TOX3: variants seen among roughly 807,000 people sequenced by gnomAD.
TOX3 encodes the protein CAG trinucleotide repeat-containing gene F9 protein.
In TOX3, 22 loss-of-function variants were observed where a neutral mutation model predicts 64.3. That is an observed-to-expected ratio of 0.34 (90% CI 0.24 to 0.49). The LOEUF (loss-of-function observed/expected upper bound fraction) is 0.49. Ranked by LOEUF, TOX3 falls within the 20% of genes least tolerant of loss-of-function variation. TOX3 has a pLI of 0.99. For synonymous variants in TOX3, 291 were observed against 273.6 expected (o/e 1.06, Z -0.63); for missense variants, 661 against 714.4 (o/e 0.93, Z 0.85).
At chr16:52,481,367 G>A (rs1410897243) in intron 1 of TOX3, among the ~76,000 whole-genome samples, 4 of 152,146 alleles carry the variant, frequency 2.6e-5, no homozygotes, top group East Asian at 1.9e-4. Context: ...ATAGTTTAAC[G>A]TGTTCTTTTA....
At chr16:52,536,474 C>T (rs997564108) in intron 1 of TOX3, among the ~76,000 whole-genome samples, 39 of 149,464 alleles carry the variant, frequency 2.6e-4, no homozygotes, top group Non-Finnish European at 8.9e-5. Flanking sequence ...ACACATAAAG[C>T]GAGGGTAGAG....
At chr16:52,535,385 G>A (rs757187358) in intron 1 of TOX3, among the ~76,000 whole-genome samples, 2 of 152,132 alleles carry the variant, frequency 1.3e-5, no homozygotes, top group Non-Finnish European at 2.9e-5. Flanking sequence ...GGCAGCTTCT[G>A]GAAACCTCCG....
In TOX3 at chr16:52,546,910, G is replaced by A; in HGVS notation, c.-187C>T. 1.8e-6 allele frequency: 2 copies of A among 1,096,186 alleles called. No homozygotes were observed. The highest frequency in any genetic ancestry group is 2.2e-6 in the Non-Finnish European group (2 of 902,138). The allele number at this position is 1,096,186 out of a possible 1,614,324, so 67.9% of individuals were successfully genotyped here. A position where few individuals can be genotyped will look rare whatever the true frequency, so the allele number is the denominator to read the frequency against. ...CCGCGGCCGCCGCACACAAAGGCGCGGCCACGCGAGCCGCGGGAGAGCGGG... is the reference window on the plus strand; with the variant it reads ...CCGCGGCCGCCGCACACAAAGGCGCAGCCACGCGAGCCGCGGGAGAGCGGG... On this transcript the variant is annotated 5_prime_UTR_variant, in exon 1 of 7. Transcript: ENST00000219746.
In TOX3 at chr16:52,445,988, T is replaced by C. The variant is rs774692048; in HGVS notation, c.906+6A>G. The C allele has an allele frequency of 1.9e-6, 3 of 1,611,958 alleles. No individual in the cohort carries two copies. Among genetic ancestry groups the C allele is most frequent in the East Asian group, 4.5e-5 (2 of 44,818 alleles). ...TTGATGGAGCCTTGATGGGTCTTTGTCTCACCTGCTTTTGTTCTTCTCCAA... is the reference window on the plus strand; with the variant it reads ...TTGATGGAGCCTTGATGGGTCTTTGCCTCACCTGCTTTTGTTCTTCTCCAA... On this transcript the variant is annotated splice_donor_region_variant and intron_variant, in intron 5 of 6. Transcript: ENST00000219746.
intron 1 of TOX3, among the ~76,000 whole-genome samples, chr16:52,486,290 C>T (rs1961530322): frequency 6.6e-6 from 1 of 152,062 alleles, no homozygotes; most frequent in South Asian, 2.1e-4. Context: ...GGAAGGGAAG[C>T]CTAGCAAGGG....
rs370749318 is a variant in TOX3 at position 52,459,916 on chromosome 16, A to C, written c.408+4018T>G. 7.9e-5 allele frequency among the ~76,000 whole-genome samples: 12 copies of C among 152,304 alleles called. No individual in the cohort carries two copies. The East Asian group carries it at 2.3e-3, about 29-fold the overall frequency. On this transcript the variant is annotated intron_variant, in intron 3 of 6. Transcript: ENST00000219746. ...AGCCATGCCAAGTATAATAATAAAA[A>C]AAACTTCTAAAATAAGCCTGGTAAT... is the stretch of plus-strand genomic sequence containing the variant.
At chr16:52,478,746 C>A (rs140142944) in intron 1 of TOX3, among the ~76,000 whole-genome samples, 39 of 152,234 alleles carry the variant, frequency 2.6e-4, no homozygotes, top group Admixed American at 9.2e-4. Flanking sequence ...CTTCATGTTA[C>A]CTCTCTGAAC....
At chr16:52,524,520 T>C (rs879447352) in intron 1 of TOX3, among the ~76,000 whole-genome samples, 8 of 152,194 alleles carry the variant, frequency 5.3e-5, no homozygotes, top group African/African-American at 9.6e-5. Context: ...TTAATGAGCA[T>C]TGAAAAGATT....
chr16:52,472,171 C>T (rs778046995), intron 1 of TOX3, among the ~76,000 whole-genome samples: 1 of 152,188 alleles, frequency 6.6e-6, no homozygotes, highest in Non-Finnish European at 1.5e-5. Flanking sequence ...AGAAGGCCCA[C>T]AGTTCCTTCA....
intron 1 of TOX3, among the ~76,000 whole-genome samples, chr16:52,472,564 T>G (rs1451700189): frequency 6.6e-6 from 1 of 152,192 alleles, no homozygotes; most frequent in Non-Finnish European, 1.5e-5. Context: ...ATTTCTAAAC[T>G]TTCTAGATTA....
At position 52,436,674 on chromosome 16, in the gene TOX3, T is replaced by C. The variant is rs1312629461; in HGVS notation, c.*2551A>G. The C allele has an allele frequency of 1.3e-5, 2 of 152,072 alleles. No individual in the cohort carries two copies. The highest frequency in any genetic ancestry group is 2.9e-5 in the Non-Finnish European group (2 of 68,018). 9.4% of individuals were successfully genotyped at this position (152,072 alleles called of 1,614,324 possible). A position where few individuals can be genotyped will look rare whatever the true frequency, so the allele number is the denominator to read the frequency against. ...TTTTATAAACTGTAGTCATTAAACT[T>C]TTTTTTTCCTCTGGAATTGACCATC... On this transcript the variant is annotated 3_prime_UTR_variant, in exon 7 of 7. Coordinates refer to ENST00000219746, the MANE Select transcript of TOX3 (RefSeq NM_001080430.4).
At chr16:52,455,764 T>C (rs542623905) in intron 3 of TOX3, among the ~76,000 whole-genome samples, 7 of 152,166 alleles carry the variant, frequency 4.6e-5, no homozygotes, top group African/African-American at 1.7e-4. Flanking sequence ...ATGTGCAAGG[T>C]CTGAAGTGGG....
intron 1 of TOX3, among the ~76,000 whole-genome samples, chr16:52,497,845 A>G (rs1961889670): frequency 1.3e-5 from 2 of 152,150 alleles, no homozygotes; most frequent in African/African-American, 4.8e-5. Context: ...AATACTTTTC[A>G]TAACAAGGTA....
At position 52,438,477 on chromosome 16, in the gene TOX3, T is replaced by C. The variant is rs1374606268; in HGVS notation, c.*748A>G. ...ATACAGTGTTTTTATTTTTCGAAAC[T>C]TGTCACTCAAAACACGGAATATAGT... On this transcript the variant is annotated 3_prime_UTR_variant, in exon 7 of 7. Coordinates refer to ENST00000219746, the MANE Select transcript of TOX3 (RefSeq NM_001080430.4). 6.6e-6 allele frequency: 1 copy of C among 150,942 alleles called. No individual in the cohort carries two copies. The highest frequency in any genetic ancestry group is 1.5e-5 in the Non-Finnish European group (1 of 67,844). The allele number at this position is 150,942 out of a possible 1,614,324, so 9.4% of individuals were successfully genotyped here.
chr16:52,446,355 G>A, intron 4 of TOX3, 134 bp from the exon 5 acceptor site: 4 of 904,132 alleles, frequency 4.4e-6, no homozygotes, highest in Non-Finnish European at 6.5e-6. Context: ...CCAAAAGCGG[G>A]GGAGGGGTAA....
At chr16:52,523,863 G>T (rs1216268680) in intron 1 of TOX3, among the ~76,000 whole-genome samples, 1 of 152,058 alleles carries the variant, frequency 6.6e-6, no homozygotes, top group African/African-American at 2.4e-5. Flanking sequence ...AATGAATTGT[G>T]ACTTTTATAG....
rs751285914 is a variant in TOX3 at position 52,446,233 on chromosome 16, G to A, written c.679-12C>T. The A allele has an allele frequency of 6.2e-6, 10 of 1,610,754 alleles. No homozygotes were observed. In the East Asian group the frequency reaches 1.3e-4, roughly 22 times the overall value. ...TTCTCTCCAATGGCCTGCAAAGCAGGAAGAAAATTCACTGCCTAGAATGTA... is the reference window on the plus strand; with the variant it reads ...TTCTCTCCAATGGCCTGCAAAGCAGAAAGAAAATTCACTGCCTAGAATGTA... On this transcript the variant is annotated splice_polypyrimidine_tract_variant and intron_variant, in intron 4 of 6. Transcript: ENST00000219746.
intron 3 of TOX3, among the ~76,000 whole-genome samples, chr16:52,455,045 C>A (rs1002347067): frequency 1.3e-5 from 2 of 152,176 alleles, no homozygotes; most frequent in Non-Finnish European, 2.9e-5. Flanking sequence ...AAAGGCAAAG[C>A]AGCTATTGGG....
intron 4 of TOX3, among the ~76,000 whole-genome samples, chr16:52,447,957 T>A (rs1960213046): frequency 6.6e-6 from 1 of 152,130 alleles, no homozygotes; most frequent in African/African-American, 2.4e-5. Context: ...CCAGAGTAGC[T>A]TTTTTTCCAA....
Sources: gnomAD v4.1 joint callset for allele counts (sites outside exome capture counted in the v4.1 genomes callset) on GRCh38, gnomAD v4.1.1 for gene constraint, MANE v1.5 for transcripts, NCBI Gene and HGNC (gene_info 2026-07-23, HGNC 2026-07-21) for gene names.